Variants in LRRC4C observed in about 807,000 individuals in gnomAD.
The protein encoded by LRRC4C is leucine rich repeat containing 4C.
LRRC4C carries 5 observed loss-of-function variants against 33.6 expected under a neutral mutation model. The ratio of observed to expected loss-of-function variants is 0.15; its 90% CI spans 0.08 to 0.31. The LOEUF is 0.31. Among genes scored for constraint, LRRC4C ranks in the 10% least tolerant of loss-of-function variants. The probability of loss-of-function intolerance (pLI) is 1.00; values close to 1 mark genes in which losing one functional copy is unlikely to be tolerated. For missense variants in LRRC4C, 560 were observed against 796.7 expected, an observed-to-expected ratio of 0.70 and a Z score of 3.58; for synonymous variants, 329 against 302.0, an observed-to-expected ratio of 1.09 and a Z score of -0.93.
chr11:41,140,059 T>C (rs960418563), intron 1 of LRRC4C, among the ~76,000 whole-genome samples: 4 of 152,210 alleles, frequency 2.6e-5, no homozygotes, highest in African/African-American at 7.2e-5. Flanking sequence ...GGAATTTGAA[T>C]GTTTGCACTG....
At chr11:40,191,851 T>A (rs1861862037) in intron 5 of LRRC4C, among the ~76,000 whole-genome samples, 1 of 152,032 alleles carries the variant, frequency 6.6e-6, no homozygotes, top group South Asian at 2.1e-4. Flanking sequence ...TCCCAGCTAC[T>A]CAGGAGGCTG....
At chr11:40,714,284 G>A (rs1027768802) in intron 2 of LRRC4C, among the ~76,000 whole-genome samples, 4 of 152,120 alleles carry the variant, frequency 2.6e-5, no homozygotes, top group African/African-American at 9.7e-5. Context: ...GAAAGTAAAC[G>A]TTTATTATTA....
intron 1 of LRRC4C, among the ~76,000 whole-genome samples, chr11:41,429,042 A>G (rs1228054473): frequency 6.6e-6 from 1 of 152,154 alleles, no homozygotes. Context: ...TAATCCCCAC[A>G]TATCATGGGA....
intron 2 of LRRC4C, among the ~76,000 whole-genome samples, chr11:40,828,323 T>C (rs571847248): frequency 6.6e-6 from 1 of 151,750 alleles, no homozygotes; most frequent in Non-Finnish European, 1.5e-5. Context: ...AATAAGTAAA[T>C]TTACATTAGA....
intron 2 of LRRC4C, among the ~76,000 whole-genome samples, chr11:40,868,951 T>G (rs1450160824): frequency 1.3e-5 from 2 of 152,160 alleles, no homozygotes; most frequent in Non-Finnish European, 2.9e-5. Flanking sequence ...ATTTATTTTG[T>G]TCCTTATATT....
At chr11:41,053,564 A>G (rs960625455) in intron 1 of LRRC4C, among the ~76,000 whole-genome samples, 4 of 152,198 alleles carry the variant, frequency 2.6e-5, no homozygotes, top group Non-Finnish European at 2.9e-5. Flanking sequence ...CTGTGAGATA[A>G]TAAGTGTGGG....
At chr11:40,185,404 C>T (rs1352586233) in intron 5 of LRRC4C, among the ~76,000 whole-genome samples, 2 of 152,066 alleles carry the variant, frequency 1.3e-5, no homozygotes, top group Non-Finnish European at 2.9e-5. Flanking sequence ...CCTCCATTAC[C>T]ACCCCACCCC....
At chr11:40,421,951 G>A (rs1025605223) in intron 3 of LRRC4C, among the ~76,000 whole-genome samples, 7 of 152,228 alleles carry the variant, frequency 4.6e-5, no homozygotes, top group African/African-American at 9.6e-5. Context: ...TCCTCCTTGC[G>A]GAGTTGAAAC....
intron 4 of LRRC4C, among the ~76,000 whole-genome samples, chr11:40,247,277 A>T (rs2136145580): frequency 6.6e-6 from 1 of 152,282 alleles, no homozygotes; most frequent in South Asian, 2.1e-4. Context: ...ATCTGCCCAC[A>T]GCACTTAGCA....
chr11:41,065,661 G>A (rs1355017007), intron 1 of LRRC4C, among the ~76,000 whole-genome samples: 1 of 152,188 alleles, frequency 6.6e-6, no homozygotes, highest in Non-Finnish European at 1.5e-5. Flanking sequence ...TCATACAGGA[G>A]AGCTTTGGCT....
intron 3 of LRRC4C, among the ~76,000 whole-genome samples, chr11:40,494,947 A>G (rs1438314224): frequency 6.6e-6 from 1 of 152,218 alleles, no homozygotes; most frequent in Non-Finnish European, 1.5e-5. Context: ...TGTAAATTAT[A>G]GAAAATTGTA....
chr11:40,947,755 A>G (rs1239891953), intron 1 of LRRC4C, among the ~76,000 whole-genome samples: 1 of 151,660 alleles, frequency 6.6e-6, no homozygotes, highest in Non-Finnish European at 1.5e-5. Context: ...CCCCTCTCTG[A>G]TATCCTTCTC....
At chr11:40,968,928 TTTTA>T in intron 1 of LRRC4C, among the ~76,000 whole-genome samples, 1 of 152,306 alleles carries the variant, frequency 6.6e-6, no homozygotes, top group South Asian at 2.1e-4. Context: ...TGCCAAGACG[TTTTA>T]TTTAAGAAAC....
intron 2 of LRRC4C, among the ~76,000 whole-genome samples, chr11:40,869,594 A>G (rs1020334801): frequency 6.6e-6 from 1 of 152,068 alleles, no homozygotes; most frequent in Non-Finnish European, 1.5e-5. Context: ...ATGACCTTCT[A>G]TGGACATTTG....
intron 1 of LRRC4C, among the ~76,000 whole-genome samples, chr11:41,026,676 C>T (rs1856388894): frequency 6.6e-6 from 1 of 151,232 alleles, no homozygotes; most frequent in Admixed American, 6.6e-5. Context: ...ACAGATACCC[C>T]AACCTTCAGC....
At chr11:41,237,055 C>T (rs1948055846) in intron 1 of LRRC4C, among the ~76,000 whole-genome samples, 1 of 152,134 alleles carries the variant, frequency 6.6e-6, no homozygotes, top group African/African-American at 2.4e-5. Flanking sequence ...ATAAAGAGGA[C>T]CACCTATGTA....
At chr11:40,566,973 G>T (rs1022921819) in intron 3 of LRRC4C, among the ~76,000 whole-genome samples, 1 of 152,050 alleles carries the variant, frequency 6.6e-6, no homozygotes, top group Non-Finnish European at 1.5e-5. Flanking sequence ...TCATCTGTTT[G>T]CTTAGTACTT....
At chr11:41,085,061 AC>A (rs1030238642) in intron 1 of LRRC4C, among the ~76,000 whole-genome samples, 1 of 152,106 alleles carries the variant, frequency 6.6e-6, no homozygotes, top group Non-Finnish European at 1.5e-5. Context: ...TGCATGTATA[AC>A]TCCTCAGACT....
intron 1 of LRRC4C, among the ~76,000 whole-genome samples, chr11:41,381,014 T>C (rs1953125378): frequency 6.6e-6 from 1 of 152,160 alleles, no homozygotes; most frequent in African/African-American, 2.4e-5. Flanking sequence ...ATAACTTCAA[T>C]GTAAAACCAC....
Sources: gnomAD v4.1 joint callset for allele counts (sites outside exome capture counted in the v4.1 genomes callset) on GRCh38, gnomAD v4.1.1 for gene constraint, MANE v1.5 for transcripts, NCBI Gene and HGNC (gene_info 2026-07-23, HGNC 2026-07-21) for gene names.